Variants in EPHA3 observed in about 807,000 individuals in gnomAD.
The protein encoded by EPHA3 is EPH receptor A3.
A neutral mutation model predicts 107.1 loss-of-function variants in EPHA3; 42 were observed. The observed-to-expected ratio is 0.39, with a 90% CI of 0.31 to 0.51. The LOEUF (loss-of-function observed/expected upper bound fraction) is 0.51. Among genes scored for constraint, EPHA3 ranks in the 20% least tolerant of loss-of-function variants. The pLI is 0.78. For missense variants in EPHA3, 1,183 were observed against 1,211.2 expected (o/e 0.98, Z 0.35); for synonymous variants, 461 against 424.8 (o/e 1.09, Z -1.05).
rs549357052 is a variant in EPHA3 at position 89,180,648 on chromosome 3, C to G, written c.154-29212C>G. Among the ~76,000 whole-genome samples, 5 of 152,052 alleles carry G rather than the reference C, an allele frequency of 3.3e-5. No individual in the cohort carries two copies. In the East Asian group the frequency reaches 5.8e-4, roughly 18 times the overall value. On this transcript the variant is annotated intron_variant, in intron 2 of 16. Transcript: ENST00000336596. ...CCATAGAAGGTTAAGGTTTGCTTGC[C>G]TTGTGGTGCAGCTGATAAAACAATT...
chr3:89,417,058 G>T (rs759708018), intron 10 of EPHA3, among the ~76,000 whole-genome samples: 7 of 151,406 alleles, frequency 4.6e-5, no homozygotes, highest in Non-Finnish European at 1.0e-4. Context: ...TCCTTTAGGT[G>T]GGTCTGAACT....
chr3:89,136,361 T>C (rs1451977598), intron 2 of EPHA3, among the ~76,000 whole-genome samples: 2 of 137,152 alleles, frequency 1.5e-5, no homozygotes, highest in African/African-American at 5.6e-5. Context: ...TTTTGACCCT[T>C]TCCTTGAAAC....
At position 89,415,685 on chromosome 3, in the gene EPHA3, A is replaced by T. The variant is rs112524144; in HGVS notation, c.1888+2419A>T. On this transcript the variant is annotated intron_variant, in intron 10 of 16. Coordinates refer to ENST00000336596, the MANE Select transcript of EPHA3 (RefSeq NM_005233.6). ...ATTCATGACTACAATTCCTAATTTT[A>T]CTCCTCAATCCAACCATTCTTTCAA... Among the ~76,000 whole-genome samples the T allele has an allele frequency of 5.7e-3, 857 of 151,210 alleles. 8 individuals carry two copies. The highest frequency in any genetic ancestry group is 0.02 in the African/African-American group (809 of 41,420).
chr3:89,227,325 CT>C (rs1005531371), intron 3 of EPHA3, among the ~76,000 whole-genome samples: 25 of 152,066 alleles, frequency 1.6e-4, no homozygotes, highest in African/African-American at 6.0e-4. Context: ...CAGCTACTCT[CT>C]TGGAGGTTCT....
chr3:89,310,497 C>G (rs554902394), intron 3 of EPHA3, among the ~76,000 whole-genome samples: 2 of 151,598 alleles, frequency 1.3e-5, no homozygotes, highest in Non-Finnish European at 2.9e-5. Context: ...TATGTTAACC[C>G]CTTCCTTTCT....
chr3:89,438,793 C>T (rs201960943), intron 13 of EPHA3, among the ~76,000 whole-genome samples: 3 of 152,164 alleles, frequency 2.0e-5, no homozygotes, highest in African/African-American at 4.8e-5. Context: ...CATGTAGCAT[C>T]AGAAAATACA....
chr3:89,444,246 T>G (rs1709837452), intron 13 of EPHA3, among the ~76,000 whole-genome samples: 1 of 152,234 alleles, frequency 6.6e-6, no homozygotes, highest in Admixed American at 6.5e-5. Context: ...CTACTGCTAC[T>G]ACTTTTACTA....
intron 15 of EPHA3, among the ~76,000 whole-genome samples, chr3:89,470,858 A>G (rs1710385571): frequency 6.6e-6 from 1 of 152,158 alleles, no homozygotes; most frequent in South Asian, 2.1e-4. Context: ...CAGCTTCTTT[A>G]TCTATCTCAG....
intron 3 of EPHA3, among the ~76,000 whole-genome samples, chr3:89,308,141 T>A (rs1462030255): frequency 6.6e-6 from 1 of 152,140 alleles, no homozygotes; most frequent in Non-Finnish European, 1.5e-5. Context: ...GGCTTTGTGA[T>A]AAGTTGTGTG....
chr3:89,152,967 T>C (rs1704720767), intron 2 of EPHA3, among the ~76,000 whole-genome samples: 1 of 152,122 alleles, frequency 6.6e-6, no homozygotes, highest in African/African-American at 2.4e-5. Context: ...TACTATTTCA[T>C]AAATATCATG....
intron 16 of EPHA3, 39 bp from the exon 17 acceptor site, chr3:89,479,358 C>A (rs375351007): frequency 6.5e-7 from 1 of 1,534,974 alleles, no homozygotes; most frequent in South Asian, 1.1e-5. Context: ...TATACACTAT[C>A]GAGGAAACCG....
In EPHA3 at chr3:89,215,718, CA is replaced by C. The variant is rs1322289678; in HGVS notation, c.814+5200del. On this transcript the variant is annotated intron_variant, in intron 3 of 16. Transcript: ENST00000336596. ...TTAGTAACATTCTTACGCAGGATTA[CA>C]ATTAAATAAGACTTACAGTGTTTTA... Among the ~76,000 whole-genome samples the C allele has an allele frequency of 3.9e-5, 6 of 151,938 alleles. No individual in the cohort carries two copies. In the East Asian group the frequency reaches 1.2e-3, roughly 29 times the overall value.
chr3:89,354,175 A>G (rs1413771661), intron 5 of EPHA3, among the ~76,000 whole-genome samples: 2 of 151,276 alleles, frequency 1.3e-5, no homozygotes, highest in Non-Finnish European at 3.0e-5. Context: ...CAATAAAATC[A>G]TATTTTATAC....
intron 1 of EPHA3, among the ~76,000 whole-genome samples, chr3:89,108,246 T>C (rs1373189203): frequency 6.6e-6 from 1 of 152,128 alleles, no homozygotes; most frequent in Non-Finnish European, 1.5e-5. Context: ...GACTCTTTAG[T>C]ATGTTTAAAG....
chr3:89,108,011 G>A (rs1166697040), intron 1 of EPHA3, among the ~76,000 whole-genome samples, 175 bp downstream of exon 1: 4 of 152,068 alleles, frequency 2.6e-5, no homozygotes, highest in Admixed American at 2.6e-4. Flanking sequence ...AAACACTTCA[G>A]GAGATAATTT....
chr3:89,322,956 T>C (rs1402171936), intron 3 of EPHA3, among the ~76,000 whole-genome samples: 1 of 152,128 alleles, frequency 6.6e-6, no homozygotes, highest in Admixed American at 6.6e-5. Context: ...TTGCCATATA[T>C]CTATTAATAA....
At chr3:89,131,023 TA>T in intron 2 of EPHA3, among the ~76,000 whole-genome samples, 1 of 152,338 alleles carries the variant, frequency 6.6e-6, no homozygotes, top group East Asian at 1.9e-4. Flanking sequence ...GGCCTTGGAC[TA>T]ATTCTCCAAA....
At chr3:89,296,187 C>A (rs1488762477) in intron 3 of EPHA3, among the ~76,000 whole-genome samples, 1 of 152,178 alleles carries the variant, frequency 6.6e-6, no homozygotes, top group East Asian at 1.9e-4. Context: ...TTGACATCTT[C>A]TCCTGAATCA....
In EPHA3 at chr3:89,341,878, A is replaced by AATGTG. The variant is rs1323851789; in HGVS notation, c.1095_1099dup (p.Gly367AspfsTer6). ...GTTACCTTCAACATCATATGTAAAA[A>AATGTG]ATGTGGGTGGAATATAAAACAGTGT... On this transcript the variant is annotated frameshift_variant, in exon 5 of 17. Coordinates refer to ENST00000336596, the MANE Select transcript of EPHA3 (RefSeq NM_005233.6). LOFTEE classifies it high-confidence loss of function. The AATGTG allele has an allele frequency of 1.2e-6, 2 of 1,613,918 alleles. No individual in the cohort carries two copies. Among genetic ancestry groups the AATGTG allele is most frequent in the Non-Finnish European group, 1.7e-6 (2 of 1,180,004 alleles).
Sources: allele counts gnomAD v4.1 joint callset (sites outside exome capture counted in the v4.1 genomes callset), GRCh38; gene constraint gnomAD v4.1.1; transcripts MANE v1.5; gene names NCBI Gene and HGNC (gene_info 2026-07-23, HGNC 2026-07-21).